Variants in SAMD4A observed in about 807,000 individuals in gnomAD.
SAMD4A encodes protein Smaug homolog 1.
SAMD4A carries 33 observed loss-of-function variants against 81.3 expected under a neutral mutation model. That is an observed-to-expected ratio of 0.41 (90% CI 0.31 to 0.54). The LOEUF is 0.54. Among genes scored for constraint, SAMD4A ranks in the 20% least tolerant of loss-of-function variants. SAMD4A has a pLI of 0.37. For missense variants in SAMD4A, 854 were observed against 951.1 expected (o/e 0.90, Z 1.34); for synonymous variants, 389 against 382.1 (o/e 1.02, Z -0.21).
At chr14:54,765,482 G>A (rs969153182) in intron 8 of SAMD4A, among the ~76,000 whole-genome samples, 11 of 150,932 alleles carry the variant, frequency 7.3e-5, no homozygotes, top group African/African-American at 2.7e-4. Flanking sequence ...AAAAAGCCAG[G>A]TGTGGTGGCG....
intron 2 of SAMD4A, among the ~76,000 whole-genome samples, chr14:54,669,826 G>GA (rs1352298312): frequency 6.6e-6 from 1 of 152,148 alleles, no homozygotes; most frequent in Non-Finnish European, 1.5e-5. Flanking sequence ...AGCATGCAGG[G>GA]AACGCTTTGC....
intron 2 of SAMD4A, among the ~76,000 whole-genome samples, chr14:54,580,916 G>T (rs1292693216): frequency 6.6e-6 from 1 of 152,192 alleles, no homozygotes; most frequent in Non-Finnish European, 1.5e-5. Flanking sequence ...TTACCATCTA[G>T]GTTGTGAGAT....
chr14:54,660,829 A>T (rs1455344418), intron 2 of SAMD4A, among the ~76,000 whole-genome samples: 1 of 152,252 alleles, frequency 6.6e-6, no homozygotes, highest in Non-Finnish European at 1.5e-5. Flanking sequence ...TAGACTTGGT[A>T]TCCAAGCATA....
intron 2 of SAMD4A, among the ~76,000 whole-genome samples, chr14:54,575,741 A>G (rs1396049801): frequency 6.6e-6 from 1 of 152,180 alleles, no homozygotes; most frequent in Non-Finnish European, 1.5e-5. Context: ...TTACTTACGC[A>G]TGTAAGCACT....
chr14:54,674,475 G>C (rs542766046), intron 2 of SAMD4A, among the ~76,000 whole-genome samples: 33 of 152,184 alleles, frequency 2.2e-4, no homozygotes, highest in Non-Finnish European at 4.9e-4. Flanking sequence ...TTCTGACACT[G>C]GTCAGGTACT....
chr14:54,741,085 C>T (rs117780220), intron 4 of SAMD4A, among the ~76,000 whole-genome samples: 1 of 152,280 alleles, frequency 6.6e-6, no homozygotes, highest in East Asian at 1.9e-4. Flanking sequence ...TTTCTACATC[C>T]AGTTGTGTTT....
rs57819180 is a variant in SAMD4A, at chr14:54,576,001, C to CTTTTTTTTTTTTTTTTT, written c.196+7910_196+7926dup. On this transcript the variant is annotated intron_variant, in intron 2 of 12. Transcript: ENST00000554335. ...CCAGGAAAGATTTCTTTCTTTCTTT[C>CTTTTTTTTTTTTTTTTT]TTTTTTTTTTTTTTTTTTTTTTTTT... Among the ~76,000 whole-genome samples, 11 of 80,024 alleles carry CTTTTTTTTTTTTTTTTT rather than the reference C, an allele frequency of 1.4e-4. 1 individual carries two copies. In the East Asian group the frequency reaches 2.0e-3, roughly 15 times the overall value. The allele number at this position is 80,024 out of a possible 152,430, so 52.5% of individuals were successfully genotyped here.
At chr14:54,616,205 A>G (rs2034486936) in intron 2 of SAMD4A, among the ~76,000 whole-genome samples, 1 of 152,226 alleles carries the variant, frequency 6.6e-6, no homozygotes, top group Non-Finnish European at 1.5e-5. Flanking sequence ...CACATTTTAT[A>G]CCTGTCTTTA....
chr14:54,695,582 A>G (rs2036553647), intron 2 of SAMD4A, among the ~76,000 whole-genome samples: 1 of 152,224 alleles, frequency 6.6e-6, no homozygotes, highest in African/African-American at 2.4e-5. Flanking sequence ...TGTGGGAGAA[A>G]AGCACATAGG....
chr14:54,772,427 C>G (rs750686063), intron 9 of SAMD4A, among the ~76,000 whole-genome samples: 3 of 152,150 alleles, frequency 2.0e-5, no homozygotes, highest in African/African-American at 7.2e-5. Flanking sequence ...TAATAACCCT[C>G]GAAGGGTCCC....
At chr14:54,624,828 A>G (rs570055296) in intron 2 of SAMD4A, among the ~76,000 whole-genome samples, 11 of 152,308 alleles carry the variant, frequency 7.2e-5, no homozygotes, top group African/African-American at 2.4e-4. Context: ...TAAATCAGAA[A>G]GGATACAGCA....
Position 54,762,915 on chromosome 14 carries a change from C to T in SAMD4A, c.1511-1540C>T, listed in dbSNP as rs371983582. Among the ~76,000 whole-genome samples, 603 of 149,820 alleles carry T rather than the reference C, an allele frequency of 4.0e-3. 1 individual carries two copies. The highest frequency in any genetic ancestry group is 0.014 in the African/African-American group (584 of 40,574). On this transcript the variant is annotated intron_variant, in intron 7 of 12. Transcript: ENST00000554335. ...TGTCACGCAGGCTGGAGTGCAGTGG[C>T]GCGATCTAGGCTTACTGCAAGCTCC...
At chr14:54,608,585 C>T (rs1190939806) in intron 2 of SAMD4A, among the ~76,000 whole-genome samples, 1 of 152,174 alleles carries the variant, frequency 6.6e-6, no homozygotes, top group Non-Finnish European at 1.5e-5. Flanking sequence ...TTGTCTAATA[C>T]TGGACATGCT....
At chr14:54,758,616 G>A (rs1048087355) in intron 6 of SAMD4A, among the ~76,000 whole-genome samples, 1 of 152,126 alleles carries the variant, frequency 6.6e-6, no homozygotes. Flanking sequence ...GACCACCTGG[G>A]GTCAGAAGTT....
intron 2 of SAMD4A, among the ~76,000 whole-genome samples, chr14:54,633,116 A>G (rs1364366074): frequency 6.6e-6 from 1 of 152,248 alleles, no homozygotes; most frequent in Non-Finnish European, 1.5e-5. Context: ...TGAAGAGGTT[A>G]TACCAACCTA....
At chr14:54,625,205 T>C (rs1185508271) in intron 2 of SAMD4A, among the ~76,000 whole-genome samples, 1 of 152,244 alleles carries the variant, frequency 6.6e-6, no homozygotes, top group Non-Finnish European at 1.5e-5. Context: ...AGTATTTTGC[T>C]AATTCTATAA....
chr14:54,670,788 G>C (rs1022028352), intron 2 of SAMD4A, among the ~76,000 whole-genome samples: 1 of 152,182 alleles, frequency 6.6e-6, no homozygotes, highest in Non-Finnish European at 1.5e-5. Flanking sequence ...TGCCTCCCAT[G>C]CTCATAAGAC....
At chr14:54,674,972 C>T (rs910475515) in intron 2 of SAMD4A, among the ~76,000 whole-genome samples, 12 of 152,158 alleles carry the variant, frequency 7.9e-5, no homozygotes, top group African/African-American at 2.9e-4. Flanking sequence ...AGGCTGCTCT[C>T]GAGCTCCCAG....
chr14:54,606,457 A>T (rs1215334204), intron 2 of SAMD4A, among the ~76,000 whole-genome samples: 1 of 152,048 alleles, frequency 6.6e-6, no homozygotes, highest in African/African-American at 2.4e-5. Flanking sequence ...CAGAGCTGAG[A>T]TTGGGTGGCG....
Sources: allele counts gnomAD v4.1 joint callset (sites outside exome capture counted in the v4.1 genomes callset), GRCh38; gene constraint gnomAD v4.1.1; transcripts MANE v1.5; gene names NCBI Gene and HGNC (gene_info 2026-07-23, HGNC 2026-07-21).